The following SLIT1 variants were observed in gnomAD, a reference collection of about 807,000 sequenced individuals.
SLIT1 encodes the protein slit homolog 1 protein.
A neutral mutation model predicts 186.1 loss-of-function variants in SLIT1; 66 were observed. The observed-to-expected ratio is 0.35, with a 90% CI of 0.29 to 0.44. The LOEUF is 0.44. SLIT1 is among the 20% of genes least tolerant of loss of function. The pLI, the probability that SLIT1 is intolerant of heterozygous loss-of-function variation, is 1.00. For synonymous variants in SLIT1, 761 were observed against 833.8 expected (o/e 0.91, Z 1.50); for missense variants, 1,638 against 2,037.4 (o/e 0.80, Z 3.77).
At chr10:97,037,376 CAGGTGTGAG>C (rs1848649897) in intron 22 of SLIT1, among the ~76,000 whole-genome samples, 1 of 152,098 alleles carries the variant, frequency 6.6e-6, no homozygotes, top group Non-Finnish European at 1.5e-5. Context: ...GCTGGGATTA[CAGGTGTGAG>C]CCACCGTGCC....
intron 4 of SLIT1, among the ~76,000 whole-genome samples, chr10:97,148,499 C>CAAA (rs1849841471): frequency 7.0e-6 from 1 of 142,190 alleles, no homozygotes; most frequent in Non-Finnish European, 1.5e-5. Flanking sequence ...AGGCTGGCCT[C>CAAA]GAACTCCTGG....
At chr10:97,028,784 TA>T (rs1848567615) in intron 25 of SLIT1, among the ~76,000 whole-genome samples, 1 of 152,258 alleles carries the variant, frequency 6.6e-6, no homozygotes, top group East Asian at 1.9e-4. Context: ...ATGTATTTAT[TA>T]AGGCAATAGA....
At chr10:97,008,026 A>C (rs1658698610) in intron 31 of SLIT1, among the ~76,000 whole-genome samples, 1 of 148,884 alleles carries the variant, frequency 6.7e-6, no homozygotes, top group Admixed American at 6.7e-5. Context: ...GGAAGGCAAG[A>C]AGGAAAGCAG....
intron 3 of SLIT1, among the ~76,000 whole-genome samples, chr10:97,159,581 T>C (rs941091527): frequency 4.6e-5 from 7 of 152,176 alleles, no homozygotes; most frequent in Non-Finnish European, 8.8e-5. Context: ...AGGGATTCAA[T>C]GCCTAGTTTA....
At chr10:97,094,889 T>C (rs777310839) in intron 4 of SLIT1, among the ~76,000 whole-genome samples, 1 of 152,198 alleles carries the variant, frequency 6.6e-6, no homozygotes, top group Non-Finnish European at 1.5e-5. Flanking sequence ...TTTAAACAAA[T>C]AAACGCAAAT....
At chr10:97,132,085 T>C (rs1849659879) in intron 4 of SLIT1, among the ~76,000 whole-genome samples, 1 of 152,204 alleles carries the variant, frequency 6.6e-6, no homozygotes, top group Non-Finnish European at 1.5e-5. Flanking sequence ...TGAAGCCCTG[T>C]GGCTGCATGC....
intron 4 of SLIT1, among the ~76,000 whole-genome samples, chr10:97,111,531 C>A (rs1487951176): frequency 1.3e-5 from 2 of 152,208 alleles, no homozygotes; most frequent in Non-Finnish European, 2.9e-5. Flanking sequence ...CCCTGTCTGT[C>A]CACGCCTACA....
chr10:97,123,441 G>A (rs1833951819), intron 4 of SLIT1, among the ~76,000 whole-genome samples: 1 of 152,160 alleles, frequency 6.6e-6, no homozygotes, highest in Non-Finnish European at 1.5e-5. Context: ...CCTCCAGAAT[G>A]TCTGAACCGT....
Position 97,069,251 on chromosome 10 carries a change from C to T in SLIT1, c.414-3165G>A, listed in dbSNP as rs144844464. 3.9e-3 allele frequency among the ~76,000 whole-genome samples: 589 copies of T among 152,336 alleles called. 6 individuals carry two copies. Among genetic ancestry groups the T allele is most frequent in the African/African-American group, 0.013 (561 of 41,566 alleles). On this transcript the variant is annotated intron_variant, in intron 4 of 36. Coordinates refer to ENST00000266058, the MANE Select transcript of SLIT1 (RefSeq NM_003061.3). The stretch of plus-strand genomic sequence containing the variant: ...CTCAGTAACCAGGAGCCCAGGCTGA[C>T]ATGGGAGCCCAACATGAAACCAAAC...
chr10:97,148,961 T>C (rs945058827), intron 4 of SLIT1, among the ~76,000 whole-genome samples: 4 of 152,236 alleles, frequency 2.6e-5, no homozygotes, highest in Non-Finnish European at 5.9e-5. Context: ...ACCAGTGGCT[T>C]TTCATGCCTT....
At chr10:97,097,056 C>T (rs547825114) in intron 4 of SLIT1, among the ~76,000 whole-genome samples, 2 of 152,320 alleles carry the variant, frequency 1.3e-5, no homozygotes, top group African/African-American at 2.4e-5. Flanking sequence ...TGCACAGCGC[C>T]TGGCACCCCA....
intron 13 of SLIT1, among the ~76,000 whole-genome samples, chr10:97,050,987 A>G (rs1176679873): frequency 6.6e-6 from 1 of 152,216 alleles, no homozygotes; most frequent in Non-Finnish European, 1.5e-5. Flanking sequence ...GAGGAAGAAA[A>G]AAAATTCATT....
chr10:97,151,270 G>A (rs369783023), intron 4 of SLIT1, among the ~76,000 whole-genome samples: 14 of 150,824 alleles, frequency 9.3e-5, no homozygotes, highest in South Asian at 4.3e-4. Flanking sequence ...GAGCAGGAGC[G>A]AATACAGGGG....
intron 3 of SLIT1, among the ~76,000 whole-genome samples, chr10:97,159,574 G>A (rs1391957252): frequency 6.6e-6 from 1 of 152,138 alleles, no homozygotes; most frequent in Non-Finnish European, 1.5e-5. Context: ...AGGAAAAAGG[G>A]ATTCAATGCC....
chr10:97,057,005 A>G (rs1848843051), intron 12 of SLIT1, among the ~76,000 whole-genome samples: 2 of 152,216 alleles, frequency 1.3e-5, no homozygotes, highest in Non-Finnish European at 2.9e-5. Context: ...TCCTGTGAGC[A>G]GCTCTGAAGC....
chr10:97,085,729 T>A (rs1359493757), intron 4 of SLIT1, among the ~76,000 whole-genome samples: 1 of 152,252 alleles, frequency 6.6e-6, no homozygotes, highest in Admixed American at 6.5e-5. Context: ...TATGAAATTA[T>A]GTAATTAATA....
intron 18 of SLIT1, among the ~76,000 whole-genome samples, chr10:97,044,048 A>C (rs1158291202): frequency 6.6e-6 from 1 of 152,188 alleles, no homozygotes; most frequent in East Asian, 1.9e-4. Context: ...CCGCTGTGAC[A>C]GTTTTCTAGA....
intron 30 of SLIT1, among the ~76,000 whole-genome samples, chr10:97,012,721 C>T (rs992820206): frequency 1.3e-5 from 2 of 152,220 alleles, no homozygotes; most frequent in East Asian, 1.9e-4. Context: ...GCCCATTTAC[C>T]GTGGAACCAG....
intron 4 of SLIT1, among the ~76,000 whole-genome samples, chr10:97,090,264 C>T (rs2805604): frequency 0.52 from 79,675 of 151,976 alleles, 23,820 homozygotes; most frequent in East Asian, 0.82. Context: ...CCCTGCAGCC[C>T]GCGTGGTTGG....
Sources: gnomAD v4.1 joint callset for allele counts (sites outside exome capture counted in the v4.1 genomes callset) on GRCh38, gnomAD v4.1.1 for gene constraint, MANE v1.5 for transcripts, NCBI Gene and HGNC (gene_info 2026-07-23, HGNC 2026-07-21) for gene names.